The following ELP3 variants were observed in gnomAD, a reference collection of about 807,000 sequenced individuals.
The protein encoded by ELP3 is elongator complex protein 3.
A neutral mutation model predicts 74.9 loss-of-function variants in ELP3; 56 were observed. That is an observed-to-expected ratio of 0.75 (90% CI 0.60 to 0.93). ELP3 has a LOEUF of 0.93. ELP3 is among the 40% of genes least tolerant of loss of function. The probability of loss-of-function intolerance (pLI) is 0.00; values close to 1 mark genes in which losing one functional copy is unlikely to be tolerated. For synonymous variants in ELP3, 222 were observed against 239.8 expected, an observed-to-expected ratio of 0.93 and a Z score of 0.68; for missense variants, 573 against 686.5, an observed-to-expected ratio of 0.83 and a Z score of 1.85.
chr8:28,116,534 G>GT (rs1054648592), intron 7 of ELP3, among the ~76,000 whole-genome samples: 1 of 152,230 alleles, frequency 6.6e-6, no homozygotes, highest in Non-Finnish European at 1.5e-5. Flanking sequence ...GAGGCCAGGA[G>GT]TTTGAGACCA....
At position 28,165,633 on chromosome 8, in the gene ELP3, T is replaced by C. The variant is rs78710008; in HGVS notation, c.1567+3555T>C. 4.4e-4 allele frequency among the ~76,000 whole-genome samples: 67 copies of C among 152,280 alleles called. 1 individual carries two copies. The East Asian group carries it at 0.013, about 29-fold the overall frequency. ...TTTGGTTACTGTTGTGTAAGAGTAA[T>C]GCATTTAGGTAGAATTTTTTAATTG... On this transcript the variant is annotated intron_variant, in intron 14 of 14. Coordinates refer to ENST00000256398, the MANE Select transcript of ELP3 (RefSeq NM_018091.6).
At chr8:28,164,667 C>A (rs1814238361) in intron 14 of ELP3, among the ~76,000 whole-genome samples, 1 of 152,138 alleles carries the variant, frequency 6.6e-6, no homozygotes, top group African/African-American at 2.4e-5. Context: ...AATGAAAGAA[C>A]AAGAACATTT....
intron 14 of ELP3, among the ~76,000 whole-genome samples, chr8:28,181,427 T>G (rs1177434589): frequency 6.6e-6 from 1 of 152,240 alleles, no homozygotes; most frequent in Non-Finnish European, 1.5e-5. Flanking sequence ...CTGAATCTGT[T>G]TACAAAGTTT....
chr8:28,120,762 A>G (rs1352788251), intron 7 of ELP3, among the ~76,000 whole-genome samples: 1 of 152,220 alleles, frequency 6.6e-6, no homozygotes, highest in African/African-American at 2.4e-5. Flanking sequence ...TTCCCCATAT[A>G]GACAGCTAGT....
chr8:28,182,430 A>T (rs779178303), intron 14 of ELP3, among the ~76,000 whole-genome samples: 1 of 152,108 alleles, frequency 6.6e-6, no homozygotes, highest in Non-Finnish European at 1.5e-5. Flanking sequence ...GTGTGGTGGC[A>T]TGCACCTGTA....
At chr8:28,117,166 C>T (rs1050811079) in intron 7 of ELP3, among the ~76,000 whole-genome samples, 1 of 152,062 alleles carries the variant, frequency 6.6e-6, no homozygotes, top group Non-Finnish European at 1.5e-5. Context: ...TAAAAATTTG[C>T]CACTAAGCTT....
At chr8:28,116,279 G>A (rs1175754211) in intron 7 of ELP3, among the ~76,000 whole-genome samples, 1 of 152,194 alleles carries the variant, frequency 6.6e-6, no homozygotes, top group Non-Finnish European at 1.5e-5. Flanking sequence ...TTTGGCAGCT[G>A]GGAGAGTTTG....
chr8:28,190,085 T>C lies in ELP3; in HGVS notation c.*360T>C, dbSNP rs1186913508. 5.6e-6 allele frequency: 1 copy of C among 178,840 alleles called. No homozygotes were observed. The highest frequency in any genetic ancestry group is 2.4e-5 in the African/African-American group (1 of 42,190). The allele number at this position is 178,840 out of a possible 1,614,324, so 11.1% of individuals were successfully genotyped here. On this transcript the variant is annotated 3_prime_UTR_variant, in exon 15 of 15. Coordinates refer to ENST00000256398, the MANE Select transcript of ELP3 (RefSeq NM_018091.6). ...ACTCATGCAATAAAACTGATTGTCA[T>C]TCGAGGAGCAAACTTAAGAGTAGTT...
intron 14 of ELP3, 81 bp from the exon 15 acceptor site, chr8:28,189,568 T>C (rs1268005940): frequency 1.5e-5 from 20 of 1,356,268 alleles, no homozygotes; most frequent in Non-Finnish European, 2.0e-5. Context: ...TGGGAGAGAG[T>C]GTAAGGCTGA....
intron 14 of ELP3, among the ~76,000 whole-genome samples, chr8:28,170,112 A>G (rs1814461070): frequency 6.6e-6 from 1 of 152,188 alleles, no homozygotes; most frequent in Non-Finnish European, 1.5e-5. Flanking sequence ...TTTGGGGGTC[A>G]TTTTAGAGAC....
intron 10 of ELP3, among the ~76,000 whole-genome samples, chr8:28,141,659 T>A (rs557562071): frequency 6.6e-6 from 1 of 152,348 alleles, no homozygotes; most frequent in Admixed American, 6.5e-5. Flanking sequence ...GCAAATTAAC[T>A]TTCAAATAGT....
chr8:28,113,242 G>A (rs977661090), intron 7 of ELP3, 69 bp downstream of exon 7: 47 of 1,295,844 alleles, frequency 3.6e-5, no homozygotes, highest in Middle Eastern at 1.9e-4. Flanking sequence ...AGTAGTCTAC[G>A]AGAATGCCTT....
intron 7 of ELP3, among the ~76,000 whole-genome samples, chr8:28,118,010 A>G (rs2130418623): frequency 6.6e-6 from 1 of 152,322 alleles, no homozygotes. Context: ...TCCTGCCCAG[A>G]GTCTATGAGT....
intron 6 of ELP3, among the ~76,000 whole-genome samples, chr8:28,111,565 A>C (rs1228643433): frequency 2.6e-5 from 4 of 152,216 alleles, no homozygotes; most frequent in African/African-American, 9.6e-5. Flanking sequence ...GCGTATGAGG[A>C]ACAGGATTGT....
intron 13 of ELP3, 90 bp downstream of exon 13, chr8:28,160,546 C>T: frequency 1.8e-6 from 2 of 1,131,514 alleles, no homozygotes; most frequent in Non-Finnish European, 2.5e-6. Flanking sequence ...GAGGAAGAGG[C>T]AGAGGAGCAG....
In ELP3 at chr8:28,189,982, C is replaced by T; in HGVS notation, c.*257C>T. The T allele has an allele frequency of 5.2e-6, 2 of 387,548 alleles. No homozygotes were observed. Among genetic ancestry groups the T allele is most frequent in the South Asian group, 9.0e-5 (2 of 22,344 alleles). 24.0% of individuals were successfully genotyped at this position (387,548 alleles called of 1,614,324 possible). A position where few individuals can be genotyped will look rare whatever the true frequency, so the allele number is the denominator to read the frequency against. On this transcript the variant is annotated 3_prime_UTR_variant, in exon 15 of 15. Coordinates refer to ENST00000256398, the MANE Select transcript of ELP3 (RefSeq NM_018091.6). ...GCTTAAATCATCTATCCAGTTTCTA[C>T]ATTTTGCATGAGGCCTGCAGGTGGC... is the stretch of plus-strand genomic sequence containing the variant.
At chr8:28,188,390 T>C (rs1465565019) in intron 14 of ELP3, among the ~76,000 whole-genome samples, 1 of 151,926 alleles carries the variant, frequency 6.6e-6, no homozygotes, top group East Asian at 1.9e-4. Context: ...TGGTGACTCT[T>C]GGTGGGCTCC....
At chr8:28,155,740 G>A (rs377384845) in intron 10 of ELP3, among the ~76,000 whole-genome samples, 1 of 152,312 alleles carries the variant, frequency 6.6e-6, no homozygotes, top group East Asian at 1.9e-4. Context: ...GAAGGTCAGG[G>A]GAAATCATAA....
At position 28,101,130 on chromosome 8, in the gene ELP3, C is replaced by CT. The variant is rs377084464; in HGVS notation, c.258+1166dup. 6.1e-3 allele frequency among the ~76,000 whole-genome samples: 927 copies of CT among 152,048 alleles called. 11 individuals carry two copies. Among genetic ancestry groups the CT allele is most frequent in the African/African-American group, 0.021 (882 of 41,458 alleles). On this transcript the variant is annotated intron_variant, in intron 3 of 14. Coordinates refer to ENST00000256398, the MANE Select transcript of ELP3 (RefSeq NM_018091.6). The stretch of plus-strand genomic sequence containing the variant: ...GTTTGTTTGTATCTAGTGTAAAAAG[C>CT]TTGTTAGCCAGGCACGGTGGCTCAC...
Sources: allele counts gnomAD v4.1 joint callset (sites outside exome capture counted in the v4.1 genomes callset), GRCh38; gene constraint gnomAD v4.1.1; transcripts MANE v1.5; gene names NCBI Gene and HGNC (gene_info 2026-07-23, HGNC 2026-07-21).